Variants in INPP4B observed in about 807,000 individuals in gnomAD.
INPP4B encodes inositol polyphosphate 4-phosphatase type II.
In INPP4B, 55 loss-of-function variants were observed where a neutral mutation model predicts 122.5. That is an observed-to-expected ratio of 0.45 (90% CI 0.36 to 0.56). INPP4B has a LOEUF of 0.56. INPP4B is among the 20% of genes least tolerant of loss of function. The pLI is 0.00. For missense variants in INPP4B, 1,000 were observed against 1,097.7 expected, an observed-to-expected ratio of 0.91 and a Z score of 1.26; for synonymous variants, 403 against 388.7, an observed-to-expected ratio of 1.04 and a Z score of -0.43.
chr4:142,789,570 G>A (rs1202859193), intron 1 of INPP4B, among the ~76,000 whole-genome samples: 2 of 152,052 alleles, frequency 1.3e-5, no homozygotes, highest in East Asian at 3.9e-4. Context: ...ACAAAATACT[G>A]CTGAAAGAAA....
At chr4:142,564,960 C>T in intron 2 of INPP4B, among the ~76,000 whole-genome samples, 1 of 152,096 alleles carries the variant, frequency 6.6e-6, no homozygotes, top group East Asian at 1.9e-4. Context: ...TCAAATTTCT[C>T]CAATTGTTCC....
intron 9 of INPP4B, among the ~76,000 whole-genome samples, chr4:142,290,151 TACCACC>T: frequency 6.7e-6 from 1 of 148,942 alleles, no homozygotes; most frequent in Non-Finnish European, 1.5e-5. Context: ...TTCATTTCTA[TACCACC>T]TGGAACTCAT....
At chr4:142,335,093 C>A in intron 7 of INPP4B, among the ~76,000 whole-genome samples, 1 of 121,324 alleles carries the variant, frequency 8.2e-6, no homozygotes, top group South Asian at 2.9e-4. Flanking sequence ...CTGTCTGCTA[C>A]TTCCTGGGAA....
At chr4:142,183,667 G>A (rs1831862735) in intron 15 of INPP4B, among the ~76,000 whole-genome samples, 2 of 152,150 alleles carry the variant, frequency 1.3e-5, no homozygotes, top group South Asian at 4.1e-4. Flanking sequence ...AGTTTAACAA[G>A]TTCAAAAGTT....
At chr4:142,653,695 C>A (rs1054739854) in intron 2 of INPP4B, among the ~76,000 whole-genome samples, 2 of 151,868 alleles carry the variant, frequency 1.3e-5, no homozygotes, top group African/African-American at 4.8e-5. Context: ...AATTAGAATG[C>A]CAATCATTAA....
chr4:142,159,596 T>G (rs2152902281), intron 17 of INPP4B, among the ~76,000 whole-genome samples: 1 of 152,204 alleles, frequency 6.6e-6, no homozygotes, highest in Admixed American at 6.5e-5. Context: ...CTATTTTTTT[T>G]GTTAAACATA....
intron 12 of INPP4B, among the ~76,000 whole-genome samples, chr4:142,229,102 A>G (rs568234473): frequency 1.3e-5 from 2 of 151,684 alleles, no homozygotes; most frequent in African/African-American, 4.8e-5. Context: ...CTGAAGATGT[A>G]CACGAATATG....
intron 5 of INPP4B, among the ~76,000 whole-genome samples, chr4:142,428,650 A>G (rs1393757331): frequency 6.6e-6 from 1 of 152,064 alleles, no homozygotes; most frequent in Non-Finnish European, 1.5e-5. Flanking sequence ...TACATGTGAC[A>G]GATATTTAGA....
At chr4:142,615,823 T>A (rs887876856) in intron 2 of INPP4B, among the ~76,000 whole-genome samples, 3 of 152,080 alleles carry the variant, frequency 2.0e-5, no homozygotes, top group African/African-American at 7.2e-5. Flanking sequence ...CTTGACAGTT[T>A]AACTTTTTCG....
At chr4:142,185,418 ATC>A (rs1832723982) in intron 15 of INPP4B, among the ~76,000 whole-genome samples, 4 of 149,912 alleles carry the variant, frequency 2.7e-5, no homozygotes, top group Non-Finnish European at 4.4e-5. Flanking sequence ...ATATATATAT[ATC>A]TCATCAGCCA....
At chr4:142,041,909 T>C (rs1046735755) in intron 25 of INPP4B, among the ~76,000 whole-genome samples, 1 of 152,334 alleles carries the variant, frequency 6.6e-6, no homozygotes, top group African/African-American at 2.4e-5. Flanking sequence ...GGCTAAAACA[T>C]AATTTAAGTC....
intron 2 of INPP4B, among the ~76,000 whole-genome samples, chr4:142,623,968 T>C (rs1208373833): frequency 1.3e-5 from 2 of 152,100 alleles, no homozygotes; most frequent in Admixed American, 6.6e-5. Flanking sequence ...CAGTCTATCA[T>C]TGTTGGACAT....
At chr4:142,263,115 C>A (rs1740879880) in intron 10 of INPP4B, among the ~76,000 whole-genome samples, 1 of 152,164 alleles carries the variant, frequency 6.6e-6, no homozygotes, top group Non-Finnish European at 1.5e-5. Context: ...CTAAGCCTCT[C>A]CCGTGCCTCA....
At chr4:142,032,895 G>C in intron 25 of INPP4B, among the ~76,000 whole-genome samples, 1 of 151,592 alleles carries the variant, frequency 6.6e-6, no homozygotes, top group East Asian at 1.9e-4. Flanking sequence ...CATCTTGGTA[G>C]TGTACCCAGA....
intron 24 of INPP4B, among the ~76,000 whole-genome samples, chr4:142,084,170 C>G (rs375204057): frequency 1.3e-5 from 2 of 152,274 alleles, no homozygotes; most frequent in South Asian, 4.1e-4. Context: ...TGTCACCAGG[C>G]TGGAGTGCTG....
chr4:142,202,551 C>T (rs1325504658), intron 14 of INPP4B, among the ~76,000 whole-genome samples: 2 of 152,100 alleles, frequency 1.3e-5, no homozygotes, highest in African/African-American at 4.8e-5. Context: ...AATCAGAGAG[C>T]TCTAGAAGCT....
At chr4:142,732,234 G>A (rs1284495226) in intron 1 of INPP4B, among the ~76,000 whole-genome samples, 1 of 151,996 alleles carries the variant, frequency 6.6e-6, no homozygotes, top group East Asian at 1.9e-4. Flanking sequence ...AGAGGCAATG[G>A]TTCCAGTTTA....
intron 1 of INPP4B, among the ~76,000 whole-genome samples, chr4:142,818,049 C>T (rs1335992847): frequency 1.3e-5 from 2 of 151,628 alleles, no homozygotes; most frequent in Non-Finnish European, 2.9e-5. Context: ...AAGAAAGCAA[C>T]AGGATAGGAA....
chr4:142,344,206 C>G (rs1730054924), intron 7 of INPP4B, among the ~76,000 whole-genome samples: 1 of 152,038 alleles, frequency 6.6e-6, no homozygotes, highest in African/African-American at 2.4e-5. Flanking sequence ...TAAGAGATAT[C>G]TTTGCACATG....
Sources: gnomAD v4.1 joint callset for allele counts (sites outside exome capture counted in the v4.1 genomes callset) on GRCh38, gnomAD v4.1.1 for gene constraint, MANE v1.5 for transcripts, NCBI Gene and HGNC (gene_info 2026-07-23, HGNC 2026-07-21) for gene names.